Variants in ELAPOR1 observed in about 807,000 individuals in gnomAD.
ELAPOR1 encodes the protein endosome-lysosome associated apoptosis and autophagy regulator 1, also known as endosome/lysosome-associated apoptosis and autophagy regulator 1.
ELAPOR1 carries 77 observed loss-of-function variants against 119.7 expected under a neutral mutation model. The ratio of observed to expected loss-of-function variants is 0.64; its 90% CI spans 0.54 to 0.78. The LOEUF (loss-of-function observed/expected upper bound fraction) is 0.78, where lower values mean the gene tolerates loss of function less well. Among genes scored for constraint, ELAPOR1 ranks in the 30% least tolerant of loss-of-function variants. ELAPOR1 has a pLI of 0.00. For synonymous variants in ELAPOR1, 481 were observed against 487.2 expected, an observed-to-expected ratio of 0.99 and a Z score of 0.17; for missense variants, 1,115 against 1,270.4, an observed-to-expected ratio of 0.88 and a Z score of 1.86.
At chr1:109,146,158 A>C (rs1476277445) in intron 1 of ELAPOR1, among the ~76,000 whole-genome samples, 1 of 151,974 alleles carries the variant, frequency 6.6e-6, no homozygotes, top group East Asian at 1.9e-4. Flanking sequence ...CTAAAAATAC[A>C]CACACAAAAA....
At position 109,188,477 on chromosome 1, in the gene ELAPOR1, AC is replaced by A. The variant is rs917902000; in HGVS notation, c.1219+125del. ...CCAAGGGAGGCAGTAAGGAATAAGG[AC>A]CAGGCCACCTTTGAGGACTAAATTC... is the stretch of plus-strand genomic sequence containing the variant. On this transcript the variant is annotated intron_variant, in intron 9 of 21. Transcript: ENST00000369939. 5.4e-6 allele frequency: 6 copies of A among 1,114,640 alleles called. No individual in the cohort carries two copies. The African/African-American group carries it at 9.4e-5, about 17-fold the overall frequency. The allele number at this position is 1,114,640 out of a possible 1,614,324, so 69.0% of individuals were successfully genotyped here.
chr1:109,180,755 G>A (rs1372494024), intron 7 of ELAPOR1, among the ~76,000 whole-genome samples: 3 of 152,094 alleles, frequency 2.0e-5, no homozygotes, highest in Admixed American at 6.6e-5. Context: ...GCTTGAGGCC[G>A]GGAGTTTGAG....
intron 1 of ELAPOR1, among the ~76,000 whole-genome samples, chr1:109,121,993 C>G (rs1648451676): frequency 6.6e-6 from 1 of 151,690 alleles, no homozygotes; most frequent in Non-Finnish European, 1.5e-5. Flanking sequence ...AGGCTGATCT[C>G]AAACTCCTGA....
At chr1:109,162,944 T>C (rs1422571363) in intron 2 of ELAPOR1, among the ~76,000 whole-genome samples, 1 of 152,186 alleles carries the variant, frequency 6.6e-6, no homozygotes, top group Non-Finnish European at 1.5e-5. Context: ...TTCAGAAGCT[T>C]AGGGTGGTGG....
Position 109,137,071 on chromosome 1 carries a change from G to A in ELAPOR1, c.153+22735G>A, listed in dbSNP as rs1473845410. On this transcript the variant is annotated intron_variant, in intron 1 of 21. Coordinates refer to ENST00000369939, the MANE Select transcript of ELAPOR1 (RefSeq NM_020775.5). ...TGAGGGGTGAAGGGGACCAGGCAGGGCATTCTGTGGGGTAAGGGAGCAGGT... is the reference window on the plus strand; with the variant it reads ...TGAGGGGTGAAGGGGACCAGGCAGGACATTCTGTGGGGTAAGGGAGCAGGT... Among the ~76,000 whole-genome samples, 4 of 152,270 alleles carry A rather than the reference G, an allele frequency of 2.6e-5. 1 individual carries two copies. The highest frequency in any genetic ancestry group is 4.1e-4 in the South Asian group (2 of 4,820).
chr1:109,194,297 C>T lies in ELAPOR1; in HGVS notation c.1948-124C>T, dbSNP rs984495718. 54 of 760,816 alleles carry T rather than the reference C, an allele frequency of 7.1e-5. No homozygotes were observed. The African/African-American group carries it at 8.5e-4, about 12-fold the overall frequency. The allele number at this position is 760,816 out of a possible 1,614,324, so 47.1% of individuals were successfully genotyped here. On this transcript the variant is annotated intron_variant, in intron 14 of 21. Coordinates refer to ENST00000369939, the MANE Select transcript of ELAPOR1 (RefSeq NM_020775.5). ...ACTTCTTTTACTAGCCACTCCTAAT[C>T]CTTTCTTCCTCCTCTTGACCCCATT...
At chr1:109,146,700 G>C (rs1650200126) in intron 1 of ELAPOR1, among the ~76,000 whole-genome samples, 1 of 152,128 alleles carries the variant, frequency 6.6e-6, no homozygotes, top group African/African-American at 2.4e-5. Context: ...CTCGAGGGAA[G>C]GTAGTCATCA....
chr1:109,187,566 G>T (rs1039952109), intron 8 of ELAPOR1: 2 of 1,001,970 alleles, frequency 2.0e-6, no homozygotes, highest in Non-Finnish European at 2.4e-6. Flanking sequence ...TGGGAAGAAT[G>T]GAGCTGCCCA....
At chr1:109,185,393 C>T (rs1330225769) in intron 8 of ELAPOR1, among the ~76,000 whole-genome samples, 1 of 151,994 alleles carries the variant, frequency 6.6e-6, no homozygotes, top group Non-Finnish European at 1.5e-5. Context: ...CCACTTCATT[C>T]TCTCTTGCTT....
At chr1:109,201,592 G>A (rs139141524) in intron 21 of ELAPOR1, among the ~76,000 whole-genome samples, 31 of 152,302 alleles carry the variant, frequency 2.0e-4, no homozygotes, top group Middle Eastern at 3.4e-3. Flanking sequence ...GGGTGGGGAG[G>A]GCGGAAAGAG....
At chr1:109,147,281 C>A (rs1049847311) in intron 1 of ELAPOR1, among the ~76,000 whole-genome samples, 1 of 152,002 alleles carries the variant, frequency 6.6e-6, no homozygotes, top group Admixed American at 6.6e-5. Context: ...AATGATTTAT[C>A]CAGCCATGAA....
At chr1:109,140,098 C>CATTTATTTATTTATTTATTT (rs370169097) in intron 1 of ELAPOR1, among the ~76,000 whole-genome samples, 135 of 151,748 alleles carry the variant, frequency 8.9e-4, no homozygotes, top group African/African-American at 2.2e-3. Flanking sequence ...TAGTATATAT[C>CATTTATTTATTTATTTATTT]ATTTATTTAT....
In ELAPOR1 at chr1:109,198,593, C is replaced by T. The variant is rs1653972134; in HGVS notation, c.2420C>T (p.Ser807Phe). ...TGCAGGTCCAATGATGTGACCCAGT[C>T]CTGCAGTTCTGGGAGATCAACCACC... ...FFYRSNDVTQSCSSGRSTTIR... is the reference protein window; with the variant it reads ...FFYRSNDVTQFCSSGRSTTIR... Residue 807 changes from serine to phenylalanine, a missense_variant, in exon 18 of 22, where the codon TCC becomes TTC. Physicochemically the swap from Ser to Phe is radical, Grantham distance 155 (BLOSUM62 -2). Transcript: ENST00000369939. The T allele has an allele frequency of 6.2e-7, 1 of 1,613,658 alleles. No individual in the cohort carries two copies. Among genetic ancestry groups the T allele is most frequent in the African/African-American group, 1.3e-5 (1 of 74,904 alleles).
At position 109,200,178 on chromosome 1, in the gene ELAPOR1, C is replaced by T. The variant is rs1311112143; in HGVS notation, c.2748C>T (p.Gly916=). ...DFWLKVGISA[G]TCTAILLTVL... ...GGCTGAAAGTGGGCATCTCTGCAGGCACCTGTACTGCCATCCTGCTCACCG... is the reference window on the plus strand; with the variant it reads ...GGCTGAAAGTGGGCATCTCTGCAGGTACCTGTACTGCCATCCTGCTCACCG... The change falls in exon 20 of 22, where the codon GGC becomes GGT. Residue 916 remains glycine, a synonymous_variant. Coordinates refer to ENST00000369939, the MANE Select transcript of ELAPOR1 (RefSeq NM_020775.5). 2.3e-5 allele frequency: 37 copies of T among 1,614,106 alleles called. No homozygotes were observed. The highest frequency in any genetic ancestry group is 2.7e-5 in the Non-Finnish European group (32 of 1,180,052).
chr1:109,191,547 C>T (rs1653437424), intron 12 of ELAPOR1, 76 bp downstream of exon 12: 19 of 1,394,808 alleles, frequency 1.4e-5, no homozygotes, highest in South Asian at 1.2e-4. Flanking sequence ...GGTGTGTCCA[C>T]GTGACTGACA....
intron 1 of ELAPOR1, among the ~76,000 whole-genome samples, chr1:109,150,284 T>C (rs916330141): frequency 1.3e-5 from 2 of 152,068 alleles, no homozygotes; most frequent in Non-Finnish European, 2.9e-5. Context: ...ATGATCAAAA[T>C]AGAAGCTGGA....
intron 7 of ELAPOR1, among the ~76,000 whole-genome samples, chr1:109,181,494 C>T (rs937284194): frequency 6.6e-6 from 1 of 152,120 alleles, no homozygotes; most frequent in Admixed American, 6.5e-5. Flanking sequence ...TTATTAAAAC[C>T]ACCTTAACAG....
chr1:109,132,489 G>A (rs904400208), intron 1 of ELAPOR1, among the ~76,000 whole-genome samples: 6 of 152,114 alleles, frequency 3.9e-5, no homozygotes, highest in Non-Finnish European at 7.4e-5. Flanking sequence ...AATGGGAGAG[G>A]TACATATTAA....
intron 11 of ELAPOR1, among the ~76,000 whole-genome samples, chr1:109,190,851 C>T (rs974171735): frequency 6.6e-6 from 1 of 152,272 alleles, no homozygotes; most frequent in East Asian, 1.9e-4. Context: ...CGGCAAAGCT[C>T]CCCAGTGCTG....
Sources: allele counts gnomAD v4.1 joint callset (sites outside exome capture counted in the v4.1 genomes callset), GRCh38; gene constraint gnomAD v4.1.1; transcripts MANE v1.5; gene names NCBI Gene and HGNC (gene_info 2026-07-23, HGNC 2026-07-21).